OSBPL1A: variants seen among roughly 807,000 people sequenced by gnomAD.
The protein encoded by OSBPL1A is oxysterol-binding protein-related protein 1.
OSBPL1A carries 80 observed loss-of-function variants against 137.1 expected under a neutral mutation model. That is an observed-to-expected ratio of 0.58 (90% CI 0.49 to 0.70). The LOEUF (loss-of-function observed/expected upper bound fraction) is 0.70. Among genes scored for constraint, OSBPL1A ranks in the 30% least tolerant of loss-of-function variants. The pLI, the probability that OSBPL1A is intolerant of heterozygous loss-of-function variation, is 0.00. For missense variants in OSBPL1A, 970 were observed against 1,129.4 expected (o/e 0.86, Z 2.02); for synonymous variants, 365 against 389.7 (o/e 0.94, Z 0.75).
intron 14 of OSBPL1A, among the ~76,000 whole-genome samples, chr18:24,289,949 C>T (rs1052475262): frequency 6.6e-6 from 1 of 151,982 alleles, no homozygotes; most frequent in Non-Finnish European, 1.5e-5. Context: ...TCCCAATAAA[C>T]CCATCATAAA....
At chr18:24,264,005 C>G (rs1303156377) in intron 15 of OSBPL1A, among the ~76,000 whole-genome samples, 1 of 152,106 alleles carries the variant, frequency 6.6e-6, no homozygotes, top group African/African-American at 2.4e-5. Context: ...ATGTAGTCAG[C>G]ATATGTGAAT....
Position 24,322,410 on chromosome 18 carries a change from C to T in OSBPL1A, c.626-3601G>A, listed in dbSNP as rs185455446. On this transcript the variant is annotated intron_variant, in intron 7 of 27. Transcript: ENST00000319481. ...TGTTGGGATTACAGGTGTGAGCCACCGTGCCCGGCCTTGTATGTGGCTTTA... is the reference window on the plus strand; with the variant it reads ...TGTTGGGATTACAGGTGTGAGCCACTGTGCCCGGCCTTGTATGTGGCTTTA... Among the ~76,000 whole-genome samples the T allele has an allele frequency of 4.0e-3, 612 of 151,990 alleles. 3 individuals carry two copies. The highest frequency in any genetic ancestry group is 0.014 in the Middle Eastern group (4 of 294).
At chr18:24,296,542 G>A (rs2146094010) in intron 14 of OSBPL1A, among the ~76,000 whole-genome samples, 1 of 152,244 alleles carries the variant, frequency 6.6e-6, no homozygotes, top group African/African-American at 2.4e-5. Context: ...GTACTACGTT[G>A]AATAGGAAGT....
intron 2 of OSBPL1A, chr18:24,368,603 G>C: frequency 2.4e-6 from 1 of 416,318 alleles, no homozygotes; most frequent in Non-Finnish European, 4.4e-6. Flanking sequence ...AAGGGATAGA[G>C]GGAGACAGGA....
At chr18:24,166,800 C>G in intron 25 of OSBPL1A, 98 bp from the exon 26 acceptor site, 1 of 1,237,778 alleles carries the variant, frequency 8.1e-7, no homozygotes, top group Non-Finnish European at 1.1e-6. Flanking sequence ...CAATGACCCC[C>G]TCCCTTTCAT....
At chr18:24,191,564 T>G (rs191749317) in intron 18 of OSBPL1A, among the ~76,000 whole-genome samples, 57 of 152,364 alleles carry the variant, frequency 3.7e-4, no homozygotes, top group Middle Eastern at 6.8e-3. Context: ...TTTCATAAAT[T>G]TTATAATGTT....
chr18:24,376,571 A>G (rs1906157320), intron 2 of OSBPL1A, among the ~76,000 whole-genome samples: 1 of 152,208 alleles, frequency 6.6e-6, no homozygotes, highest in East Asian at 1.9e-4. Context: ...GTCCTGCACC[A>G]TGCGCCCGCA....
rs915337777 is a variant in OSBPL1A, at chr18:24,390,926, C to A, written c.-3+6729G>T. Among the ~76,000 whole-genome samples the A allele has an allele frequency of 2.0e-5, 3 of 151,770 alleles. No homozygotes were observed. In the East Asian group the frequency reaches 5.9e-4, roughly 30 times the overall value. On this transcript the variant is annotated intron_variant, in intron 1 of 27. Coordinates refer to ENST00000319481, the MANE Select transcript of OSBPL1A (RefSeq NM_080597.4). ...ACCAGCCTGGCCAACATGGTGAAAC[C>A]CCGTCTCTACTAAAAACACAAAAAT...
intron 5 of OSBPL1A, among the ~76,000 whole-genome samples, chr18:24,337,816 C>G (rs1423554924): frequency 6.6e-6 from 1 of 151,214 alleles, no homozygotes; most frequent in East Asian, 1.9e-4. Context: ...AAATCGAGCA[C>G]TATATTTTGA....
intron 14 of OSBPL1A, among the ~76,000 whole-genome samples, chr18:24,287,265 T>A (rs527915959): frequency 6.6e-6 from 1 of 152,204 alleles, no homozygotes; most frequent in Non-Finnish European, 1.5e-5. Flanking sequence ...TGGTAAGTCC[T>A]TATGAGAAAA....
At chr18:24,332,734 A>C (rs2091104781) in intron 7 of OSBPL1A, among the ~76,000 whole-genome samples, 1 of 152,200 alleles carries the variant, frequency 6.6e-6, no homozygotes, top group Non-Finnish European at 1.5e-5. Flanking sequence ...TGCAAATAAC[A>C]AGAATCAACT....
Position 24,272,244 on chromosome 18 carries a change from T to TC in OSBPL1A, c.1281+8597_1281+8598insG, listed in dbSNP as rs1009920106. The TC allele has an allele frequency of 1.6e-5, 16 of 982,244 alleles. No individual in the cohort carries two copies. In the African/African-American group the frequency reaches 2.8e-4, roughly 17 times the overall value. The allele number at this position is 982,244 out of a possible 1,614,324, so 60.8% of individuals were successfully genotyped here. Reference sequence around the variant, plus strand: ...GACACCGGCCCTGGCAACTTTTTTTTTTTCTTTTTTCTTTTTTTTTTTTTT... The same window carrying TC: ...GACACCGGCCCTGGCAACTTTTTTTTCTTTCTTTTTTCTTTTTTTTTTTTTT... On this transcript the variant is annotated intron_variant, in intron 15 of 27. Coordinates refer to ENST00000319481, the MANE Select transcript of OSBPL1A (RefSeq NM_080597.4).
chr18:24,166,798 C>T (rs908077150), intron 25 of OSBPL1A, 96 bp from the exon 26 acceptor site: 3 of 1,244,128 alleles, frequency 2.4e-6, no homozygotes, highest in Non-Finnish European at 3.3e-6. Flanking sequence ...GACAATGACC[C>T]CCTCCCTTTC....
intron 15 of OSBPL1A, among the ~76,000 whole-genome samples, chr18:24,263,704 C>T (rs926037836): frequency 4.6e-5 from 7 of 152,214 alleles, no homozygotes; most frequent in African/African-American, 1.2e-4. Context: ...GGCGCGATCT[C>T]GGCTCACTGC....
intron 2 of OSBPL1A, among the ~76,000 whole-genome samples, chr18:24,369,953 G>C (rs1905493541): frequency 6.6e-6 from 1 of 152,202 alleles, no homozygotes; most frequent in Non-Finnish European, 1.5e-5. Flanking sequence ...CGAGCATGGT[G>C]GCTCATGCCT....
intron 15 of OSBPL1A, among the ~76,000 whole-genome samples, chr18:24,239,958 T>C (rs1380276698): frequency 7.5e-6 from 1 of 132,960 alleles, no homozygotes; most frequent in East Asian, 2.3e-4. Flanking sequence ...TGGAGCCTCA[T>C]TTTGTCGCCT....
chr18:24,183,555 C>T (rs2086665983), intron 18 of OSBPL1A, among the ~76,000 whole-genome samples: 1 of 151,910 alleles, frequency 6.6e-6, no homozygotes, highest in Non-Finnish European at 1.5e-5. Context: ...GCCTCAGCCT[C>T]CTGAGTAGCT....
intron 17 of OSBPL1A, among the ~76,000 whole-genome samples, chr18:24,200,844 A>T (rs1323503090): frequency 6.6e-6 from 1 of 152,202 alleles, no homozygotes; most frequent in Non-Finnish European, 1.5e-5. Context: ...GGGAGTAGAG[A>T]AATTTTAAAA....
chr18:24,230,734 C>A (rs1294251557), intron 16 of OSBPL1A, among the ~76,000 whole-genome samples: 1 of 152,148 alleles, frequency 6.6e-6, no homozygotes, highest in Non-Finnish European at 1.5e-5. Flanking sequence ...CAAAACCACT[C>A]AAAAATTTTA....
Sources: allele counts gnomAD v4.1 joint callset (sites outside exome capture counted in the v4.1 genomes callset), GRCh38; gene constraint gnomAD v4.1.1; transcripts MANE v1.5; gene names NCBI Gene and HGNC (gene_info 2026-07-23, HGNC 2026-07-21).